Variants in USP21 observed in about 807,000 individuals in gnomAD.
The protein encoded by USP21 is ubiquitin specific peptidase 21.
A neutral mutation model predicts 70.8 loss-of-function variants in USP21; 37 were observed. The observed-to-expected ratio is 0.52, with a 90% CI of 0.40 to 0.69. The LOEUF is 0.69. Among genes scored for constraint, USP21 ranks in the 30% least tolerant of loss-of-function variants. The pLI is 0.00. For missense variants in USP21, 584 were observed against 740.8 expected, an observed-to-expected ratio of 0.79 and a Z score of 2.46; for synonymous variants, 263 against 283.1, an observed-to-expected ratio of 0.93 and a Z score of 0.71.
chr1:161,159,550 G>T lies in USP21; in HGVS notation c.-291G>T, dbSNP rs1437223096. 1 of 152,444 alleles carries T rather than the reference G, an allele frequency of 6.6e-6. No homozygotes were observed. The highest frequency in any genetic ancestry group is 1.5e-5 in the Non-Finnish European group (1 of 68,304). The allele number at this position is 152,444 out of a possible 1,614,324, so 9.4% of individuals were successfully genotyped here. On this transcript the variant is annotated 5_prime_UTR_variant, in exon 1 of 14. Coordinates refer to ENST00000368002, the MANE Select transcript of USP21 (RefSeq NM_001014443.3). ...TGGCGGCGGCCCCTGCGGCGGGAGC[G>T]ATCTGGGCAACGGCTGCGGCTAAAG...
chr1:161,164,011 AG>A lies in USP21; in HGVS notation c.1218+32del, dbSNP rs1301691672. 6.2e-7 allele frequency: 1 copy of A among 1,609,352 alleles called. No individual in the cohort carries two copies. The highest frequency in any genetic ancestry group is 1.7e-5 in the Admixed American group (1 of 60,016). ...GATTCCAGAGGATTCCGGGGTGGACAGGACAGGGGCTCTGTGACCCAAGCCT... is the reference window on the plus strand; with the variant it reads ...GATTCCAGAGGATTCCGGGGTGGACAGACAGGGGCTCTGTGACCCAAGCCT... On this transcript the variant is annotated intron_variant, in intron 9 of 13. Coordinates refer to ENST00000368002, the MANE Select transcript of USP21 (RefSeq NM_001014443.3). The surrounding 1 kb of genome is among the most constrained non-coding windows in gnomAD (Gnocchi z 4.2).
Position 161,162,076 on chromosome 1 carries a change from C to T in USP21, c.639C>T (p.Gly213=), listed in dbSNP as rs1472461967. 3.7e-6 allele frequency: 6 copies of T among 1,614,014 alleles called. No individual in the cohort carries two copies. The highest frequency in any genetic ancestry group is 1.3e-5 in the African/African-American group (1 of 74,910). The change falls in exon 4 of 14, where the codon GGC becomes GGT. Residue 213 remains glycine (G), a synonymous_variant. Coordinates refer to ENST00000368002, the MANE Select transcript of USP21 (RefSeq NM_001014443.3). The surrounding 1 kb of genome is among the most constrained non-coding windows in gnomAD (Gnocchi z 4.1). The part of the protein sequence containing the change: ...HTLLLGSGHV[G]LRNLGNTCFL... ...TCCTTCTGGGCTCTGGTCATGTTGGCCTTCGAAACCTGGGAAACACGGTGA... is the reference window on the plus strand; with the variant it reads ...TCCTTCTGGGCTCTGGTCATGTTGGTCTTCGAAACCTGGGAAACACGGTGA...
Position 161,162,816 on chromosome 1 carries a change from G to C in USP21, c.893+90G>C, listed in dbSNP as rs1005932673. The C allele has an allele frequency of 1.3e-6, 2 of 1,578,214 alleles. No homozygotes were observed. The highest frequency in any genetic ancestry group is 2.2e-5 in the East Asian group (1 of 44,592). ...CCCTGGCAGCATTGTTCTGAGCCTT[G>C]AGATGTTCTTCATCCAGGAAGTGGG... On this transcript the variant is annotated intron_variant, in intron 6 of 13. Coordinates refer to ENST00000368002, the MANE Select transcript of USP21 (RefSeq NM_001014443.3). The surrounding 1 kb of genome is among the most constrained non-coding windows in gnomAD (Gnocchi z 4.1).
rs147848740 is a variant in USP21, at chr1:161,160,665, C to G, written c.25C>G (p.Leu9Val). 10 of 1,613,908 alleles carry G rather than the reference C, an allele frequency of 6.2e-6. No individual in the cohort carries two copies. The highest frequency in any genetic ancestry group is 1.3e-5 in the African/African-American group (1 of 74,918). Reference sequence around the variant, plus strand: ...AATGCCCCAGGCCTCTGAGCACCGCCTGGGCCGTACCCGAGAGCCACCTGT... The same window carrying G: ...AATGCCCCAGGCCTCTGAGCACCGCGTGGGCCGTACCCGAGAGCCACCTGT... MPQASEHR[L>V]GRTREPPVNI... The change falls in exon 3 of 14, where the codon CTG becomes GTG. Residue 9 changes from leucine to valine, a missense_variant. Coordinates refer to ENST00000368002, the MANE Select transcript of USP21 (RefSeq NM_001014443.3).
Position 161,162,385 on chromosome 1 carries a change from CT to C in USP21, c.777del (p.Glu260LysfsTer6). 1 of 1,605,952 alleles carries C rather than the reference CT, an allele frequency of 6.2e-7. No individual in the cohort carries two copies. The highest frequency in any genetic ancestry group is 8.5e-7 in the Non-Finnish European group (1 of 1,176,098). ...GGAGGAGGCCGAGCCCAAGAGCTCA[CT>C]GAAGGTGGGGCAACAACTCCTGCTC... ...VPGGGRAQEL[T>X]EAFADVIGAL... is the part of the protein sequence containing the mutation. On this transcript the variant is annotated frameshift_variant, in exon 5 of 14. Transcript: ENST00000368002. LOFTEE classifies it high-confidence loss of function. This position sits in a 1 kb window ranked among gnomAD's most constrained non-coding sequence, Gnocchi z 4.1.
Position 161,164,803 on chromosome 1 carries a change from T to A in USP21, c.1385-32T>A. On this transcript the variant is annotated intron_variant, in intron 11 of 13. Coordinates refer to ENST00000368002, the MANE Select transcript of USP21 (RefSeq NM_001014443.3). This position sits in a 1 kb window ranked among gnomAD's most constrained non-coding sequence, Gnocchi z 4.2. ...GAAGAAGTTCCCCTCAGAGGCCCAC[T>A]GCCTCCCAAATGCTCCTTAACCAGG... 1 of 1,607,046 alleles carries A rather than the reference T, an allele frequency of 6.2e-7. No individual in the cohort carries two copies. Among genetic ancestry groups the A allele is most frequent in the Non-Finnish European group, 8.5e-7 (1 of 1,175,764 alleles).
chr1:161,164,189 CTCTGCGGGATTGTTTCAACCTT>C lies in USP21; in HGVS notation c.1246_1267del (p.Leu416SerfsTer7). 6.2e-7 allele frequency: 1 copy of C among 1,614,178 alleles called. No homozygotes were observed. The highest frequency in any genetic ancestry group is 8.5e-7 in the Non-Finnish European group (1 of 1,180,038). On this transcript the variant is annotated frameshift_variant, in exon 10 of 14. Coordinates refer to ENST00000368002, the MANE Select transcript of USP21 (RefSeq NM_001014443.3). LOFTEE classifies it high-confidence loss of function. This position sits in a 1 kb window ranked among gnomAD's most constrained non-coding sequence, Gnocchi z 4.2. ...AAAGGATTTGCTGGGGGCAAGGTGT[CTCTGCGGGATTGTTTCAACCTT>C]TTCACTAAGGAAGAAGAGCTAGAGT...
rs1368924547 is a variant in USP21, at chr1:161,164,719, A to G, written c.1384+107A>G. The G allele has an allele frequency of 1.9e-6, 3 of 1,600,816 alleles. No homozygotes were observed. The highest frequency in any genetic ancestry group is 2.7e-5 in the African/African-American group (2 of 74,456). On this transcript the variant is annotated intron_variant, in intron 11 of 13. Coordinates refer to ENST00000368002, the MANE Select transcript of USP21 (RefSeq NM_001014443.3). This position sits in a 1 kb window ranked among gnomAD's most constrained non-coding sequence, Gnocchi z 4.2. Reference sequence around the variant, plus strand: ...TTTCCTTAGGAAAAGTCTGCCACCCACTTTTCCACAAGATGCTCCCAGTGT... The same window carrying G: ...TTTCCTTAGGAAAAGTCTGCCACCCGCTTTTCCACAAGATGCTCCCAGTGT...
intron 7 of USP21, 93 bp from the exon 8 acceptor site, chr1:161,163,462 G>GT: frequency 8.7e-7 from 1 of 1,155,366 alleles, no homozygotes; most frequent in Non-Finnish European, 1.3e-6. Flanking sequence ...TGGATGGGGA[G>GT]TAGGGCTCTG....
Position 161,164,938 on chromosome 1 carries a change from A to C in USP21, c.1488A>C (p.Lys496Asn). The change falls in exon 12 of 14, where the codon AAA becomes AAC. Residue 496 changes from lysine to asparagine, a missense_variant. Lys to Asn is a moderately conservative substitution (Grantham distance 94). Transcript: ENST00000368002. The surrounding 1 kb of genome is among the most constrained non-coding windows in gnomAD (Gnocchi z 4.2). ...RLSLGDFASDKAGSPVYQLYA... is the reference protein window; with the variant it reads ...RLSLGDFASDNAGSPVYQLYA... Reference sequence around the variant, plus strand: ...GCCTAGGGGACTTTGCCAGTGACAAAGCCGGTGAGTCTGGTGGGGAAAGTC... The same window carrying C: ...GCCTAGGGGACTTTGCCAGTGACAACGCCGGTGAGTCTGGTGGGGAAAGTC... 6.2e-7 allele frequency: 1 copy of C among 1,613,900 alleles called. No homozygotes were observed. The highest frequency in any genetic ancestry group is 1.3e-5 in the African/African-American group (1 of 75,032).
At position 161,163,047 on chromosome 1, in the gene USP21, G is replaced by C; in HGVS notation, c.1022G>C (p.Gly341Ala). 6.2e-7 allele frequency: 1 copy of C among 1,609,874 alleles called. No homozygotes were observed. The highest frequency in any genetic ancestry group is 1.3e-5 in the African/African-American group (1 of 74,608). The part of the protein sequence containing the change: ...GPVPSPPRRG[G>A]ALLEEPELSD... The stretch of plus-strand genomic sequence containing the variant: ...GTTCCCTCTCCACCCCGCCGAGGAG[G>C]GGCTCTGCTAGAAGAACCTGAGTTA... The change falls in exon 7 of 14, where the codon GGG (glycine) becomes GCG (alanine). Residue 341 changes from glycine (G) to alanine (A), a missense_variant. Physicochemically the swap from Gly to Ala is moderately conservative, Grantham distance 60. Around this residue, in one of 4 missense-constraint regions of USP21, gnomAD observed 40 missense variants for 29.3 expected, o/e 1.37. Coordinates refer to ENST00000368002, the MANE Select transcript of USP21 (RefSeq NM_001014443.3).
chr1:161,164,634 T>C lies in USP21; in HGVS notation c.1384+22T>C. ...CTCCATATCCTAATCTTCAGATTCTTACTTCTCTTAGGATACCTCCCATAC... is the reference window on the plus strand; with the variant it reads ...CTCCATATCCTAATCTTCAGATTCTCACTTCTCTTAGGATACCTCCCATAC... On this transcript the variant is annotated intron_variant, in intron 11 of 13. Coordinates refer to ENST00000368002, the MANE Select transcript of USP21 (RefSeq NM_001014443.3). This position sits in a 1 kb window ranked among gnomAD's most constrained non-coding sequence, Gnocchi z 4.2. 3 of 1,614,062 alleles carry C rather than the reference T, an allele frequency of 1.9e-6. No individual in the cohort carries two copies. The highest frequency in any genetic ancestry group is 1.7e-6 in the Non-Finnish European group (2 of 1,179,894).
Position 161,160,387 on chromosome 1 carries a change from A to AT in USP21, c.-139dup. The AT allele has an allele frequency of 1.8e-6, 1 of 565,314 alleles. No individual in the cohort carries two copies. Among genetic ancestry groups the AT allele is most frequent in the Non-Finnish European group, 3.2e-6 (1 of 309,726 alleles). 35.0% of individuals were successfully genotyped at this position (565,314 alleles called of 1,614,324 possible). A position where few individuals can be genotyped will look rare whatever the true frequency, so the allele number is the denominator to read the frequency against. ...CCAGGTACTGGGGATACGATGGCTGATTCGATAGATCTGGTTCCTGCCCTC... is the reference window on the plus strand; with the variant it reads ...CCAGGTACTGGGGATACGATGGCTGATTTCGATAGATCTGGTTCCTGCCCTC... On this transcript the variant is annotated 5_prime_UTR_variant, in exon 2 of 14. The change abolishes the stop of an existing upstream ORF in the 5' untranslated region. Coordinates refer to ENST00000368002, the MANE Select transcript of USP21 (RefSeq NM_001014443.3).
Position 161,164,258 on chromosome 1 carries a change from G to GAGGT in USP21, c.1305+9_1305+12dup. 1 of 1,613,866 alleles carries GAGGT rather than the reference G, an allele frequency of 6.2e-7. No individual in the cohort carries two copies. Among genetic ancestry groups the GAGGT allele is most frequent in the Non-Finnish European group, 8.5e-7 (1 of 1,179,758 alleles). ...GAGTCGGAGAATGCCCCAGTATGTG[G>GAGGT]AGGTTCACAAGGGATACAGTAAGGG... On this transcript the variant is annotated intron_variant, in intron 10 of 13. Coordinates refer to ENST00000368002, the MANE Select transcript of USP21 (RefSeq NM_001014443.3). The surrounding 1 kb of genome is among the most constrained non-coding windows in gnomAD (Gnocchi z 4.2).
At position 161,161,878 on chromosome 1, in the gene USP21, A is replaced by G. The variant is rs541241704; in HGVS notation, c.601-160A>G. 2.3e-5 allele frequency: 16 copies of G among 705,108 alleles called. No homozygotes were observed. The East Asian group carries it at 3.7e-4, about 16-fold the overall frequency. The allele number at this position is 705,108 out of a possible 1,614,324, so 43.7% of individuals were successfully genotyped here. On this transcript the variant is annotated intron_variant, in intron 3 of 13. Transcript: ENST00000368002. This position sits in a 1 kb window ranked among gnomAD's most constrained non-coding sequence, Gnocchi z 4.2. Reference sequence around the variant, plus strand: ...TGTGATGGGCTTACTGCTCATGACCAGTGAGGTAGGGAGACTAGAATACCT... The same window carrying G: ...TGTGATGGGCTTACTGCTCATGACCGGTGAGGTAGGGAGACTAGAATACCT...
rs1347679126 is a variant in USP21 at position 161,164,019 on chromosome 1, G to A, written c.1218+38G>A. On this transcript the variant is annotated intron_variant, in intron 9 of 13. Transcript: ENST00000368002. This position sits in a 1 kb window ranked among gnomAD's most constrained non-coding sequence, Gnocchi z 4.2. ...AGGATTCCGGGGTGGACAGGACAGG[G>A]GCTCTGTGACCCAAGCCTACCCACC... The A allele has an allele frequency of 6.2e-7, 1 of 1,607,114 alleles. No individual in the cohort carries two copies. The highest frequency in any genetic ancestry group is 8.5e-7 in the Non-Finnish European group (1 of 1,173,690).
In USP21 at chr1:161,161,693, G is replaced by A. The variant is rs1314401191; in HGVS notation, c.601-345G>A. The A allele has an allele frequency of 2.3e-6, 1 of 444,112 alleles. No individual in the cohort carries two copies. The highest frequency in any genetic ancestry group is 4.1e-6 in the Non-Finnish European group (1 of 244,174). The allele number at this position is 444,112 out of a possible 1,614,324, so 27.5% of individuals were successfully genotyped here. On this transcript the variant is annotated intron_variant, in intron 3 of 13. Coordinates refer to ENST00000368002, the MANE Select transcript of USP21 (RefSeq NM_001014443.3). This position sits in a 1 kb window ranked among gnomAD's most constrained non-coding sequence, Gnocchi z 4.2. ...GGGCAAGAAGGGGCCACGGGGGCAG[G>A]AGGGGGTTTTGGGGGCAGAAAGGTG...
chr1:161,164,568 C>T lies in USP21; in HGVS notation c.1340C>T (p.Thr447Ile). The T allele has an allele frequency of 6.2e-7, 1 of 1,614,136 alleles. No individual in the cohort carries two copies. Residue 447 changes from threonine to isoleucine, a missense_variant, in exon 11 of 14, where the codon ACC (threonine) becomes ATC (isoleucine). Transcript: ENST00000368002. The surrounding 1 kb of genome is among the most constrained non-coding windows in gnomAD (Gnocchi z 4.2). ...CDRCRQKTRS[T>I]KKLTVQRFPR... is the part of the protein sequence containing the mutation. ...CGATGTCGGCAGAAAACTCGAAGTA[C>T]CAAAAAGTTGACAGTACAAAGATTC...
rs1657990546 is a variant in USP21 at position 161,162,345 on chromosome 1, C to G, written c.736C>G (p.Arg246Gly). The G allele has an allele frequency of 1.2e-6, 2 of 1,613,430 alleles. No individual in the cohort carries two copies. The highest frequency in any genetic ancestry group is 2.7e-5 in the African/African-American group (2 of 74,886). Residue 246 changes from arginine to glycine, a missense_variant, in exon 5 of 14, where the codon CGG becomes GGG. Arg to Gly is a moderately radical substitution (Grantham distance 125). Around this residue, in one of 4 missense-constraint regions of USP21, gnomAD observed 87 missense variants for 162.4 expected, o/e 0.54. Transcript: ENST00000368002. This position sits in a 1 kb window ranked among gnomAD's most constrained non-coding sequence, Gnocchi z 4.1. ...GGACTTCTGTCTGAGAAGGGACTTC[C>G]GGCAAGAGGTGCCTGGAGGAGGCCG... The part of the protein sequence containing the change: ...LRDFCLRRDF[R>G]QEVPGGGRAQ...
Sources: gnomAD v4.1 joint callset for allele counts on GRCh38, gnomAD v4.1.1 for gene constraint, gnomAD v4.1.1 regional missense constraint, Gnocchi (gnomAD v3.1) non-coding constraint, MANE v1.5 for transcripts, NCBI Gene and HGNC (gene_info 2026-07-23, HGNC 2026-07-21) for gene names.